Variants in GRM7 observed in about 807,000 individuals in gnomAD.
The protein encoded by GRM7 is glutamate metabotropic receptor 7.
A neutral mutation model predicts 84.5 loss-of-function variants in GRM7; 35 were observed. The observed-to-expected ratio is 0.41, with a 90% CI of 0.32 to 0.55. The LOEUF (loss-of-function observed/expected upper bound fraction) is 0.55, where lower values mean the gene tolerates loss of function less well. GRM7 is among the 20% of genes least tolerant of loss of function. The probability of loss-of-function intolerance (pLI) is 0.19; values close to 1 mark genes in which losing one functional copy is unlikely to be tolerated. For synonymous variants in GRM7, 487 were observed against 455.1 expected (o/e 1.07, Z -0.89); for missense variants, 1,003 against 1,194.6 (o/e 0.84, Z 2.36).
intron 8 of GRM7, among the ~76,000 whole-genome samples, chr3:7,615,007 T>A (rs909386517): frequency 1.3e-5 from 2 of 152,208 alleles, no homozygotes; most frequent in Non-Finnish European, 2.9e-5. Context: ...GTTTGTAAAT[T>A]TAGTTACATT....
intron 7 of GRM7, among the ~76,000 whole-genome samples, chr3:7,482,525 G>A (rs1180849086): frequency 6.6e-6 from 1 of 152,174 alleles, no homozygotes; most frequent in East Asian, 1.9e-4. Context: ...ACAATGCCAG[G>A]AGGCATGTCC....
At chr3:7,292,865 C>G (rs575426378) in intron 2 of GRM7, among the ~76,000 whole-genome samples, 1 of 151,730 alleles carries the variant, frequency 6.6e-6, no homozygotes, top group African/African-American at 2.4e-5. Flanking sequence ...AACCCCCCAT[C>G]TCTACTAAAA....
chr3:7,348,524 C>T (rs1010276923), intron 4 of GRM7, among the ~76,000 whole-genome samples: 4 of 152,048 alleles, frequency 2.6e-5, no homozygotes, highest in African/African-American at 9.7e-5. Flanking sequence ...AGCTGCTTTA[C>T]CAAATAGACC....
intron 8 of GRM7, chr3:7,591,544 G>T: frequency 4.8e-6 from 2 of 413,140 alleles, no homozygotes; most frequent in Non-Finnish European, 9.4e-6. Context: ...TTGGAAAGGG[G>T]AGAAATTAGA....
intron 2 of GRM7, among the ~76,000 whole-genome samples, chr3:7,193,148 A>T (rs533667376): frequency 3.3e-5 from 5 of 152,262 alleles, no homozygotes; most frequent in Admixed American, 1.3e-4. Flanking sequence ...ATAGGCCTCA[A>T]ATAAGATCAT....
At chr3:7,707,497 G>T (rs754698389) in intron 9 of GRM7, among the ~76,000 whole-genome samples, 1 of 152,114 alleles carries the variant, frequency 6.6e-6, no homozygotes, top group South Asian at 2.1e-4. Context: ...CATGGAGGCC[G>T]CCACTTGAAT....
chr3:6,963,248 A>G (rs2022558), intron 1 of GRM7, among the ~76,000 whole-genome samples: 18,017 of 152,244 alleles, frequency 0.12, 1,245 homozygotes, highest in Non-Finnish European at 0.15. Context: ...TGGAAAACTC[A>G]GAAGTTTTAG....
At chr3:7,660,369 C>G (rs1450615434) in intron 8 of GRM7, among the ~76,000 whole-genome samples, 1 of 152,140 alleles carries the variant, frequency 6.6e-6, no homozygotes, top group Non-Finnish European at 1.5e-5. Flanking sequence ...CAAAGGGATG[C>G]AGAAGGCAGG....
chr3:7,132,512 A>G (rs1182009733), intron 1 of GRM7, among the ~76,000 whole-genome samples: 2 of 152,220 alleles, frequency 1.3e-5, no homozygotes, highest in Non-Finnish European at 2.9e-5. Context: ...TTTACCATGC[A>G]GAAATCGTAT....
At chr3:6,990,696 A>T (rs1465134124) in intron 1 of GRM7, among the ~76,000 whole-genome samples, 1 of 152,114 alleles carries the variant, frequency 6.6e-6, no homozygotes, top group East Asian at 1.9e-4. Context: ...TTAGTACCTC[A>T]TTCTCTTCAT....
In GRM7 at chr3:7,511,385, G is replaced by A. The variant is rs530133375; in HGVS notation, c.1515+49663G>A. Among the ~76,000 whole-genome samples, 4 of 150,496 alleles carry A rather than the reference G, an allele frequency of 2.7e-5. No individual in the cohort carries two copies. In the East Asian group the frequency reaches 7.7e-4, roughly 29 times the overall value. ...CTTCTCCCTTCAAAGATAAACAGAA[G>A]CCATTTGCTACCTGGTCACATACAG... is the stretch of plus-strand genomic sequence containing the variant. On this transcript the variant is annotated intron_variant, in intron 7 of 9. Coordinates refer to ENST00000357716, the MANE Select transcript of GRM7 (RefSeq NM_000844.4).
chr3:7,603,648 C>G (rs1264759371), intron 8 of GRM7, among the ~76,000 whole-genome samples: 1 of 151,982 alleles, frequency 6.6e-6, no homozygotes, highest in East Asian at 1.9e-4. Flanking sequence ...CATTTTTCTC[C>G]TAACATCTGG....
intron 1 of GRM7, among the ~76,000 whole-genome samples, chr3:7,115,670 G>T (rs1490302694): frequency 6.6e-6 from 1 of 152,090 alleles, no homozygotes; most frequent in African/African-American, 2.4e-5. Context: ...TAGCTGTAAT[G>T]GTGTCACTCA....
intron 8 of GRM7, among the ~76,000 whole-genome samples, chr3:7,582,837 C>G (rs73019885): frequency 0.012 from 1,771 of 152,218 alleles, 24 homozygotes; most frequent in South Asian, 0.042. Flanking sequence ...TTGCATGTCT[C>G]CCCAACCCTA....
chr3:7,540,432 G>A (rs1204423461), intron 7 of GRM7, among the ~76,000 whole-genome samples: 1 of 152,114 alleles, frequency 6.6e-6, no homozygotes, highest in Non-Finnish European at 1.5e-5. Flanking sequence ...TGCTTCAGTA[G>A]GAATTATACT....
chr3:7,732,131 C>T (rs1450849191), intron 9 of GRM7, among the ~76,000 whole-genome samples: 2 of 152,060 alleles, frequency 1.3e-5, no homozygotes, highest in Non-Finnish European at 2.9e-5. Context: ...CTGCAAGCTC[C>T]GCCTCCCAGG....
chr3:7,166,816 G>C (rs1694815013), intron 2 of GRM7, among the ~76,000 whole-genome samples: 1 of 152,116 alleles, frequency 6.6e-6, no homozygotes, highest in Admixed American at 6.5e-5. Flanking sequence ...CAGGATTCCT[G>C]CTTACTTCTT....
At chr3:7,683,135 A>G (rs2125143898) in intron 9 of GRM7, among the ~76,000 whole-genome samples, 1 of 152,300 alleles carries the variant, frequency 6.6e-6, no homozygotes, top group African/African-American at 2.4e-5. Context: ...TATCATTTGT[A>G]TATGCAGAAT....
chr3:7,132,463 T>C (rs1259889184), intron 1 of GRM7, among the ~76,000 whole-genome samples: 1 of 152,132 alleles, frequency 6.6e-6, no homozygotes, highest in African/African-American at 2.4e-5. Context: ...ATGCTACTGA[T>C]GGGGTATTGT....
Sources: gnomAD v4.1 joint callset for allele counts (sites outside exome capture counted in the v4.1 genomes callset) on GRCh38, gnomAD v4.1.1 for gene constraint, MANE v1.5 for transcripts, NCBI Gene and HGNC (gene_info 2026-07-23, HGNC 2026-07-21) for gene names.